The following FABP7 variants were observed in gnomAD, a reference collection of about 807,000 sequenced individuals.
FABP7 encodes the protein fatty acid-binding protein, brain.
Under a neutral mutation model 14.2 loss-of-function variants are expected in FABP7, and 13 were observed. The observed-to-expected ratio is 0.91, with a 90% CI of 0.59 to 1.45. FABP7 has a LOEUF of 1.45. Ranked by LOEUF, FABP7 falls within the 40% of genes most tolerant of loss-of-function variation. The probability of loss-of-function intolerance (pLI) is 0.00; values close to 1 mark genes in which losing one functional copy is unlikely to be tolerated. For missense variants in FABP7, 149 were observed against 157.6 expected (o/e 0.95, Z 0.29); for synonymous variants, 49 against 51.4 (o/e 0.95, Z 0.20).
At chr6:122,762,767 A>G in the FABP7 span, among the ~76,000 whole-genome samples, 1 of 152,358 alleles carries the variant, frequency 6.6e-6, no homozygotes, top group Non-Finnish European at 1.5e-5. Flanking sequence ...AGAGAGCCAA[A>G]TCATGAGTGA....
the FABP7 span, among the ~76,000 whole-genome samples, chr6:122,757,868 C>T: frequency 3.3e-5 from 5 of 151,790 alleles, no homozygotes; most frequent in Admixed American, 6.6e-5. Flanking sequence ...TTAGTATTCC[C>T]GTTACTATTT....
At chr6:122,776,767 A>G (rs74335502), upstream of FABP7, among the ~76,000 whole-genome samples, 11,024 of 152,266 alleles carry the variant, frequency 0.072, 1,255 homozygotes, top group African/African-American at 0.24. Flanking sequence ...GCATCCAAAT[A>G]TCGTATGTAC....
chr6:122,767,556 T>C, the FABP7 span, among the ~76,000 whole-genome samples: 1 of 152,070 alleles, frequency 6.6e-6, no homozygotes, highest in Non-Finnish European at 1.5e-5. Context: ...TTTAAAACCC[T>C]ACTTCTTATG....
chr6:122,752,468 T>C, the FABP7 span, among the ~76,000 whole-genome samples: 2 of 152,220 alleles, frequency 1.3e-5, no homozygotes, highest in East Asian at 1.9e-4. Context: ...ATTTTATATA[T>C]AGGGGATTTC....
the FABP7 span, among the ~76,000 whole-genome samples, chr6:122,750,299 C>T: frequency 2.0e-5 from 3 of 151,894 alleles, no homozygotes; most frequent in East Asian, 5.8e-4. Flanking sequence ...TACATATTGT[C>T]TTTTCATCTT....
the FABP7 span, among the ~76,000 whole-genome samples, chr6:122,769,185 T>C: frequency 6.6e-6 from 1 of 152,222 alleles, no homozygotes; most frequent in South Asian, 2.1e-4. Context: ...AAAACTCACC[T>C]CAGGGTTTTA....
chr6:122,752,654 A>C, the FABP7 span, among the ~76,000 whole-genome samples: 2 of 152,192 alleles, frequency 1.3e-5, no homozygotes, highest in African/African-American at 4.8e-5. Flanking sequence ...TGTCTAAGCT[A>C]GTACACTTCT....
chr6:122,780,240 G>C (rs1343744531), intron 1 of FABP7, 51 bp from the exon 2 acceptor site: 1 of 1,584,204 alleles, frequency 6.3e-7, no homozygotes, highest in Admixed American at 1.7e-5. Flanking sequence ...CTTGCTTTGT[G>C]AGTTATTTTG....
upstream of FABP7, among the ~76,000 whole-genome samples, chr6:122,776,395 T>C (rs537940757): frequency 5.3e-5 from 8 of 152,214 alleles, no homozygotes; most frequent in African/African-American, 1.7e-4. Context: ...AGCTGGAGGA[T>C]ATTAAACGAA....
rs758177421 is a variant in FABP7 at position 122,779,884 on chromosome 6, C to A, written c.73+17C>A. 1.2e-6 allele frequency: 2 copies of A among 1,610,702 alleles called. No individual in the cohort carries two copies. Among genetic ancestry groups the A allele is most frequent in the African/African-American group, 2.7e-5 (2 of 74,962 alleles). On this transcript the variant is annotated intron_variant, in intron 1 of 3. Transcript: ENST00000368444. ...AGGCTCTAGGTAGGTAACAATAAGACCGGCTGTTCTCTTCTCAACGTGCAG... is the reference window on the plus strand; with the variant it reads ...AGGCTCTAGGTAGGTAACAATAAGAACGGCTGTTCTCTTCTCAACGTGCAG...
At chr6:122,778,777 C>T (rs1780715370), upstream of FABP7, among the ~76,000 whole-genome samples, 1 of 152,216 alleles carries the variant, frequency 6.6e-6, no homozygotes, top group South Asian at 2.1e-4. Flanking sequence ...CCTTCCCCAT[C>T]ACTAACTCCC....
the FABP7 span, among the ~76,000 whole-genome samples, chr6:122,762,048 G>C: frequency 6.6e-6 from 1 of 152,124 alleles, no homozygotes; most frequent in East Asian, 1.9e-4. Flanking sequence ...TATGAGGCCA[G>C]CGTCATCCTG....
upstream of FABP7, among the ~76,000 whole-genome samples, chr6:122,777,265 T>A (rs996017529): frequency 1.3e-5 from 2 of 152,212 alleles, no homozygotes; most frequent in African/African-American, 4.8e-5. Flanking sequence ...ACAAAACAAC[T>A]GTTTGAGAAC....
At chr6:122,763,024 T>C in the FABP7 span, among the ~76,000 whole-genome samples, 4 of 152,052 alleles carry the variant, frequency 2.6e-5, no homozygotes, top group African/African-American at 7.2e-5. Flanking sequence ...CTTCACAGAA[T>C]TGGAAAAAAA....
At chr6:122,779,019 G>A (rs1235594390), upstream of FABP7, among the ~76,000 whole-genome samples, 1 of 152,050 alleles carries the variant, frequency 6.6e-6, no homozygotes, top group Non-Finnish European at 1.5e-5. Flanking sequence ...ACTCAGTCTC[G>A]TTCTCACATT....
chr6:122,762,414 A>G, the FABP7 span, among the ~76,000 whole-genome samples: 15 of 152,342 alleles, frequency 9.8e-5, no homozygotes, highest in African/African-American at 3.1e-4. Flanking sequence ...GCTATTTATG[A>G]CAAACCCACA....
At chr6:122,761,656 C>T in the FABP7 span, among the ~76,000 whole-genome samples, 1 of 151,844 alleles carries the variant, frequency 6.6e-6, no homozygotes, top group Non-Finnish European at 1.5e-5. Context: ...ATTTTGAAAC[C>T]CACAGCTATC....
upstream of FABP7, among the ~76,000 whole-genome samples, chr6:122,779,296 G>T (rs1780723304): frequency 6.6e-6 from 1 of 152,144 alleles, no homozygotes; most frequent in South Asian, 2.1e-4. Context: ...TTTAAGGGGG[G>T]TCCTCATTTG....
the FABP7 span, among the ~76,000 whole-genome samples, chr6:122,760,226 C>T: frequency 6.6e-6 from 1 of 152,186 alleles, no homozygotes. Flanking sequence ...ACATTTCCAT[C>T]ACTGTTAAGA....
Sources: gnomAD v4.1 joint callset for allele counts (sites outside exome capture counted in the v4.1 genomes callset) on GRCh38, gnomAD v4.1.1 for gene constraint, MANE v1.5 for transcripts, NCBI Gene and HGNC (gene_info 2026-07-23, HGNC 2026-07-21) for gene names.